WDR43: variants seen among roughly 807,000 people sequenced by gnomAD.
WDR43 encodes WD repeat domain 43, also known as WD repeat-containing protein 43.
WDR43 carries 13 observed loss-of-function variants against 91.4 expected under a neutral mutation model. The observed-to-expected ratio is 0.14, with a 90% confidence interval of 0.09 to 0.23. The LOEUF (loss-of-function observed/expected upper bound fraction) is 0.23. Among genes scored for constraint, WDR43 ranks in the 10% least tolerant of loss-of-function variants. WDR43 has a pLI of 1.00. For synonymous variants in WDR43, 331 were observed against 287.9 expected (o/e 1.15, Z -1.51); for missense variants, 780 against 809.4 (o/e 0.96, Z 0.44).
rs1306825373 is a variant in WDR43 at position 28,935,551 on chromosome 2, A to G, written c.1468A>G (p.Ile490Val). The change falls in exon 12 of 18, where the codon ATA becomes GTA. Residue 490 changes from isoleucine (I) to valine (V), a missense_variant. By Grantham distance (29) the Ile-to-Val change is conservative (BLOSUM62 3). Around this residue, in one of 4 missense-constraint regions of WDR43, gnomAD observed 426 missense variants for 467.8 expected, o/e 0.91. Coordinates refer to ENST00000407426, the MANE Select transcript of WDR43 (RefSeq NM_015131.3). ...ACTTCAAACTAGGAATGTAAACCTTATAAAGAAGACTGTATTAAGGATGCC... is the reference window on the plus strand; with the variant it reads ...ACTTCAAACTAGGAATGTAAACCTTGTAAAGAAGACTGTATTAAGGATGCC... ...KVLQTRNVNL[I>V]KKTVLRMPLH... The G allele has an allele frequency of 1.2e-6, 2 of 1,601,184 alleles. No individual in the cohort carries two copies. Among genetic ancestry groups the G allele is most frequent in the Admixed American group, 3.5e-5 (2 of 57,754 alleles).
chr2:28,907,471 G>A (rs1670704850), intron 3 of WDR43, among the ~76,000 whole-genome samples: 1 of 129,744 alleles, frequency 7.7e-6, no homozygotes, highest in Non-Finnish European at 1.6e-5. Flanking sequence ...AAAAAAAATT[G>A]GGTGTGGTGG....
intron 13 of WDR43, among the ~76,000 whole-genome samples, chr2:28,937,384 A>G (rs911698109): frequency 2.0e-5 from 3 of 151,888 alleles, no homozygotes; most frequent in Non-Finnish European, 4.4e-5. Context: ...TATTATCATC[A>G]GTATCTAGAT....
chr2:28,940,746 G>A (rs1029474758), intron 14 of WDR43, among the ~76,000 whole-genome samples: 1 of 152,166 alleles, frequency 6.6e-6, no homozygotes, highest in African/African-American at 2.4e-5. Flanking sequence ...TGATCAAGGG[G>A]ACTTTAAGAT....
At chr2:28,933,520 A>C (rs147658272) in intron 11 of WDR43, among the ~76,000 whole-genome samples, 119 of 152,350 alleles carry the variant, frequency 7.8e-4, no homozygotes, top group African/African-American at 2.8e-3. Context: ...TTAAAGAAAA[A>C]ATTGGTCATT....
chr2:28,907,280 C>G (rs963350242), intron 3 of WDR43, among the ~76,000 whole-genome samples: 9 of 152,088 alleles, frequency 5.9e-5, no homozygotes, highest in African/African-American at 2.2e-4. Flanking sequence ...TAATGCTGCT[C>G]TTTTTAGTTC....
intron 11 of WDR43, 130 bp downstream of exon 11, chr2:28,929,840 AG>A: frequency 1.0e-6 from 1 of 982,248 alleles, no homozygotes; most frequent in African/African-American, 1.6e-5. Flanking sequence ...TTATGAGTTT[AG>A]TCAAACATGT....
intron 14 of WDR43, among the ~76,000 whole-genome samples, chr2:28,940,381 C>T (rs964359622): frequency 9.9e-5 from 15 of 152,120 alleles, no homozygotes; most frequent in African/African-American, 3.6e-4. Context: ...AGGCACATGC[C>T]ACCATGCCTG....
At chr2:28,910,696 A>AG (rs1670780430) in intron 3 of WDR43, among the ~76,000 whole-genome samples, 1 of 93,530 alleles carries the variant, frequency 1.1e-5, no homozygotes, top group African/African-American at 3.4e-5. Context: ...TATATATATA[A>AG]TTATTATTTT....
chr2:28,941,644 A>T, intron 15 of WDR43, 70 bp downstream of exon 15: 1 of 1,181,602 alleles, frequency 8.5e-7, no homozygotes. Flanking sequence ...AATAAGGATC[A>T]TTTTGAGACA....
At chr2:28,933,161 G>GAA (rs573396240) in intron 11 of WDR43, among the ~76,000 whole-genome samples, 78 of 152,264 alleles carry the variant, frequency 5.1e-4, no homozygotes, top group African/African-American at 1.9e-3. Context: ...AATTTATGTG[G>GAA]AAATGCAAAG....
At chr2:28,910,678 A>AATATATGTATATAT (rs1670778096) in intron 3 of WDR43, among the ~76,000 whole-genome samples, 1 of 142,644 alleles carries the variant, frequency 7.0e-6, no homozygotes, top group East Asian at 2.1e-4. Context: ...TGTGTGTGTA[A>AATATATGTATATAT]ATATATATAT....
chr2:28,915,370 C>T (rs1670885597), intron 5 of WDR43, among the ~76,000 whole-genome samples: 2 of 152,112 alleles, frequency 1.3e-5, no homozygotes, highest in Non-Finnish European at 2.9e-5. Context: ...ATCAGTAGTG[C>T]TAAAAAATTA....
intron 10 of WDR43, 68 bp from the exon 11 acceptor site, chr2:28,929,510 AT>A (rs569646059): frequency 4.9e-5 from 61 of 1,233,526 alleles, no homozygotes; most frequent in South Asian, 1.9e-4. Flanking sequence ...ATTTTATTTT[AT>A]TTTTTTTGTC....
chr2:28,926,459 T>A lies in WDR43; in HGVS notation c.1087-9T>A, dbSNP rs756183209. 3 of 1,525,532 alleles carry A rather than the reference T, an allele frequency of 2.0e-6. No individual in the cohort carries two copies. In the African/African-American group the frequency reaches 4.1e-5, roughly 21 times the overall value. 94.5% of individuals were successfully genotyped at this position (1,525,532 alleles called of 1,614,324 possible). ...CTCATCTTCCCCTTTAAAAAAAATA[T>A]ATTTTCAGGCTTTAAACTCCAGAGA... On this transcript the variant is annotated splice_polypyrimidine_tract_variant and intron_variant, in intron 8 of 17. Coordinates refer to ENST00000407426, the MANE Select transcript of WDR43 (RefSeq NM_015131.3).
chr2:28,906,649 A>G, intron 3 of WDR43, 68 bp downstream of exon 3: 1 of 1,545,612 alleles, frequency 6.5e-7, no homozygotes, highest in Non-Finnish European at 8.7e-7. Context: ...TGGGGAATGC[A>G]GACATTAATA....
At chr2:28,925,190 A>G in intron 8 of WDR43, 37 bp downstream of exon 8, 3 of 1,553,552 alleles carry the variant, frequency 1.9e-6, no homozygotes, top group Non-Finnish European at 2.6e-6. Context: ...GCAATATAGC[A>G]TCCCTGTGTC....
chr2:28,916,458 G>A (rs182229148), intron 5 of WDR43, among the ~76,000 whole-genome samples: 2 of 152,280 alleles, frequency 1.3e-5, no homozygotes, highest in South Asian at 2.1e-4. Flanking sequence ...TAGGTGGGTA[G>A]TGGTATTTTG....
chr2:28,912,273 G>C (rs1486711932), intron 3 of WDR43, among the ~76,000 whole-genome samples: 1 of 152,112 alleles, frequency 6.6e-6, no homozygotes, highest in Non-Finnish European at 1.5e-5. Context: ...TTCATCTCCT[G>C]GGTCACAGGA....
intron 11 of WDR43, among the ~76,000 whole-genome samples, chr2:28,931,526 C>T (rs116107494): frequency 6.6e-6 from 1 of 152,296 alleles, no homozygotes; most frequent in Non-Finnish European, 1.5e-5. Flanking sequence ...TTGCATACTG[C>T]ATCACTGTGG....
Sources: allele counts gnomAD v4.1 joint callset (sites outside exome capture counted in the v4.1 genomes callset), GRCh38; gene constraint gnomAD v4.1.1; regional missense constraint gnomAD v4.1.1; transcripts MANE v1.5; gene names NCBI Gene and HGNC (gene_info 2026-07-23, HGNC 2026-07-21).